Variants in CDH18 observed in about 807,000 individuals in gnomAD.
CDH18 encodes cadherin-18.
A neutral mutation model predicts 67.9 loss-of-function variants in CDH18; 31 were observed. That is an observed-to-expected ratio of 0.46 (90% CI 0.34 to 0.62). The LOEUF (loss-of-function observed/expected upper bound fraction) is 0.62, where lower values mean the gene tolerates loss of function less well. Among genes scored for constraint, CDH18 ranks in the 20% least tolerant of loss-of-function variants. CDH18 has a pLI of 0.01. For synonymous variants in CDH18, 362 were observed against 347.2 expected (o/e 1.04, Z -0.48); for missense variants, 890 against 975.5 (o/e 0.91, Z 1.17).
chr5:19,762,688 G>C (rs1772526678), intron 3 of CDH18, among the ~76,000 whole-genome samples: 1 of 152,182 alleles, frequency 6.6e-6, no homozygotes, highest in East Asian at 1.9e-4. Context: ...AAGACATTGT[G>C]GCGATTCCTC....
intron 2 of CDH18, among the ~76,000 whole-genome samples, chr5:20,070,829 A>G (rs916788126): frequency 2.0e-5 from 3 of 152,220 alleles, no homozygotes; most frequent in Non-Finnish European, 4.4e-5. Flanking sequence ...ACTAGAACAT[A>G]TAGAAACAAA....
At chr5:20,410,153 T>G (rs1044017923) in intron 1 of CDH18, among the ~76,000 whole-genome samples, 8 of 149,902 alleles carry the variant, frequency 5.3e-5, no homozygotes, top group Non-Finnish European at 1.2e-4. Flanking sequence ...AGCATTAATC[T>G]GATACCAAAG....
chr5:19,824,388 G>A (rs1242741496), intron 3 of CDH18, among the ~76,000 whole-genome samples: 1 of 152,160 alleles, frequency 6.6e-6, no homozygotes, highest in Non-Finnish European at 1.5e-5. Context: ...AACCTCCCCA[G>A]TATGGGAAAG....
chr5:20,464,867 T>C (rs1345827336), intron 1 of CDH18, among the ~76,000 whole-genome samples: 1 of 152,022 alleles, frequency 6.6e-6, no homozygotes, highest in African/African-American at 2.4e-5. Flanking sequence ...ACTTGCCAAG[T>C]TGATGAAGAA....
At chr5:19,840,785 GTAT>G (rs1298280445) in intron 2 of CDH18, among the ~76,000 whole-genome samples, 1 of 152,102 alleles carries the variant, frequency 6.6e-6, no homozygotes, top group Non-Finnish European at 1.5e-5. Context: ...TTTTGCTGTA[GTAT>G]TATATATGTG....
intron 1 of CDH18, among the ~76,000 whole-genome samples, chr5:20,268,936 C>A (rs1745240042): frequency 6.6e-6 from 1 of 152,134 alleles, no homozygotes; most frequent in African/African-American, 2.4e-5. Context: ...AGTGAAGAGA[C>A]AACCTGTTGA....
intron 5 of CDH18, among the ~76,000 whole-genome samples, chr5:19,711,904 C>G (rs1764753143): frequency 6.6e-6 from 1 of 151,950 alleles, no homozygotes; most frequent in Non-Finnish European, 1.5e-5. Context: ...AGCAAATATA[C>G]AGTAAGTATC....
intron 2 of CDH18, among the ~76,000 whole-genome samples, chr5:19,871,081 T>C (rs1408788316): frequency 6.6e-6 from 1 of 152,186 alleles, no homozygotes; most frequent in East Asian, 1.9e-4. Context: ...TATCCACAGA[T>C]GTGCAGAGGT....
intron 2 of CDH18, among the ~76,000 whole-genome samples, chr5:20,021,242 A>G (rs1320420165): frequency 6.6e-6 from 1 of 152,074 alleles, no homozygotes; most frequent in Middle Eastern, 3.2e-3. Flanking sequence ...TTACTGTCTC[A>G]TAGGTGTAAG....
At position 20,299,940 on chromosome 5, in the gene CDH18, A is replaced by C. The variant is rs532924399; in HGVS notation, c.-579-44435T>G. ...ATCTTTATGTAGGGAAAGTAAATAGAAATGTGTTGTTCTATAAATAGGATT... is the reference window on the plus strand; with the variant it reads ...ATCTTTATGTAGGGAAAGTAAATAGCAATGTGTTGTTCTATAAATAGGATT... On this transcript the variant is annotated intron_variant, in intron 1 of 14. Transcript: ENST00000507958. Among the ~76,000 whole-genome samples the C allele has an allele frequency of 1.1e-4, 17 of 152,068 alleles. No individual in the cohort carries two copies. In the South Asian group the frequency reaches 3.5e-3, roughly 32 times the overall value.
intron 1 of CDH18, among the ~76,000 whole-genome samples, chr5:20,291,129 T>C (rs1015790037): frequency 2.0e-5 from 3 of 152,172 alleles, no homozygotes; most frequent in Non-Finnish European, 4.4e-5. Flanking sequence ...ATAAGGTATA[T>C]TCTTGAGTGA....
intron 7 of CDH18, among the ~76,000 whole-genome samples, chr5:19,574,686 T>A (rs1054726440): frequency 3.3e-5 from 5 of 152,206 alleles, no homozygotes; most frequent in African/African-American, 1.2e-4. Context: ...GTACCCATCT[T>A]CCACACCTTT....
At chr5:20,543,520 C>A (rs1280381216) in intron 1 of CDH18, among the ~76,000 whole-genome samples, 1 of 151,906 alleles carries the variant, frequency 6.6e-6, no homozygotes, top group African/African-American at 2.4e-5. Context: ...TATTTTTATG[C>A]CTTTAGCATG....
intron 1 of CDH18, among the ~76,000 whole-genome samples, chr5:20,555,040 A>T (rs567107297): frequency 2.6e-5 from 4 of 152,308 alleles, no homozygotes; most frequent in African/African-American, 9.6e-5. Context: ...ATGTTGCATT[A>T]CATGTTGCCG....
At chr5:19,737,947 G>C (rs565109596) in intron 4 of CDH18, among the ~76,000 whole-genome samples, 1 of 151,812 alleles carries the variant, frequency 6.6e-6, no homozygotes, top group Non-Finnish European at 1.5e-5. Context: ...TTATTATTAG[G>C]ATCTATATAT....
intron 8 of CDH18, 39 bp from the exon 9 acceptor site, chr5:19,544,044 T>C: frequency 7.7e-6 from 9 of 1,171,916 alleles, no homozygotes; most frequent in Non-Finnish European, 8.5e-6. Context: ...GATGTTATAA[T>C]GAAGAAAATA....
chr5:19,542,147 A>G (rs965588803), intron 9 of CDH18, among the ~76,000 whole-genome samples: 1 of 152,210 alleles, frequency 6.6e-6, no homozygotes, highest in South Asian at 2.1e-4. Context: ...ACCAAAATCC[A>G]AGTAGAATCA....
intron 3 of CDH18, among the ~76,000 whole-genome samples, chr5:19,790,488 G>C (rs570775719): frequency 6.6e-6 from 1 of 152,210 alleles, no homozygotes; most frequent in East Asian, 1.9e-4. Context: ...GAATCCAGCT[G>C]CTGACACATA....
intron 2 of CDH18, among the ~76,000 whole-genome samples, chr5:20,007,977 A>C (rs1461566907): frequency 6.6e-6 from 1 of 152,058 alleles, no homozygotes; most frequent in African/African-American, 2.4e-5. Context: ...AGCTCAAAAC[A>C]TTTACTATCT....
Sources: gnomAD v4.1 joint callset for allele counts (sites outside exome capture counted in the v4.1 genomes callset) on GRCh38, gnomAD v4.1.1 for gene constraint, MANE v1.5 for transcripts, NCBI Gene and HGNC (gene_info 2026-07-23, HGNC 2026-07-21) for gene names.